DLG2: variants seen among roughly 807,000 people sequenced by gnomAD.
DLG2 encodes the protein disks large homolog 2.
DLG2 carries 45 observed loss-of-function variants against 132.5 expected under a neutral mutation model. The observed-to-expected ratio is 0.34, with a 90% confidence interval of 0.27 to 0.44. DLG2 has a LOEUF of 0.44. Among genes scored for constraint, DLG2 ranks in the 20% least tolerant of loss-of-function variants. The probability of loss-of-function intolerance (pLI) is 1.00; values close to 1 mark genes in which losing one functional copy is unlikely to be tolerated. For missense variants in DLG2, 1,045 were observed against 1,196.9 expected (o/e 0.87, Z 1.87); for synonymous variants, 424 against 419.6 (o/e 1.01, Z -0.13).
Position 84,826,429 on chromosome 11 carries a change from G to T in DLG2, c.357+285232C>A, listed in dbSNP as rs564561224. Among the ~76,000 whole-genome samples, 3 of 151,960 alleles carry T rather than the reference G, an allele frequency of 2.0e-5. 1 individual carries two copies. In the South Asian group the frequency reaches 6.2e-4, roughly 32 times the overall value. The stretch of plus-strand genomic sequence containing the variant: ...AAAGTGTAAGAGATGGTCTAGGAGA[G>T]CCTCGGAGGCAAAAATACAAACTCG... On this transcript the variant is annotated intron_variant, in intron 6 of 27. Transcript: ENST00000376104.
chr11:84,531,985 G>A (rs530096341), intron 7 of DLG2, among the ~76,000 whole-genome samples: 61 of 152,188 alleles, frequency 4.0e-4, no homozygotes, highest in Middle Eastern at 6.8e-3. Flanking sequence ...TTCCAAATGA[G>A]ACAGTGAGTA....
At chr11:84,047,042 T>C (rs1406817359) in intron 11 of DLG2, among the ~76,000 whole-genome samples, 1 of 151,460 alleles carries the variant, frequency 6.6e-6, no homozygotes, top group African/African-American at 2.4e-5. Context: ...GGTCCATGAG[T>C]TGAGGAACCA....
intron 7 of DLG2, among the ~76,000 whole-genome samples, chr11:84,258,699 T>G (rs2097512526): frequency 1.3e-5 from 2 of 152,218 alleles, no homozygotes; most frequent in African/African-American, 4.8e-5. Context: ...AACCCATGTC[T>G]TTCTAACCCC....
chr11:84,285,706 A>C lies in DLG2; in HGVS notation c.520-34415T>G, dbSNP rs115945865. ...AGGCCCAGCTGAGCACCACTGCCCT[A>C]TACCTTACTCACGACATCCTGTTAT... On this transcript the variant is annotated intron_variant, in intron 7 of 27. Coordinates refer to ENST00000376104, the MANE Select transcript of DLG2 (RefSeq NM_001142699.3). Among the ~76,000 whole-genome samples the C allele has an allele frequency of 3.4e-3, 525 of 152,290 alleles. 4 individuals carry two copies. The highest frequency in any genetic ancestry group is 0.012 in the African/African-American group (509 of 41,558).
At position 85,102,489 on chromosome 11, in the gene DLG2, G is replaced by A. The variant is rs77260736; in HGVS notation, c.357+9172C>T. 9.9e-5 allele frequency among the ~76,000 whole-genome samples: 15 copies of A among 151,958 alleles called. No homozygotes were observed. In the East Asian group the frequency reaches 2.7e-3, roughly 27 times the overall value. ...TATGCTCTCAGGAATCCTAGAAAAGGGCTTCTTAATATTCTCAATAGAAAG... is the reference window on the plus strand; with the variant it reads ...TATGCTCTCAGGAATCCTAGAAAAGAGCTTCTTAATATTCTCAATAGAAAG... On this transcript the variant is annotated intron_variant, in intron 6 of 27. Coordinates refer to ENST00000376104, the MANE Select transcript of DLG2 (RefSeq NM_001142699.3).
chr11:83,658,878 T>G (rs944106932), intron 18 of DLG2, among the ~76,000 whole-genome samples: 1 of 152,214 alleles, frequency 6.6e-6, no homozygotes, highest in Non-Finnish European at 1.5e-5. Flanking sequence ...TTTATCTCAG[T>G]TGTTCTCCCA....
chr11:84,441,181 C>T (rs1239019761), intron 7 of DLG2, among the ~76,000 whole-genome samples: 2 of 150,932 alleles, frequency 1.3e-5, no homozygotes, highest in East Asian at 3.9e-4. Flanking sequence ...AGACCTTGTT[C>T]TGTCACCCAG....
intron 6 of DLG2, among the ~76,000 whole-genome samples, chr11:85,007,923 T>C (rs1275213174): frequency 1.3e-5 from 2 of 152,060 alleles, no homozygotes; most frequent in South Asian, 2.1e-4. Flanking sequence ...TTAGGGTCAG[T>C]TGTGTTTCAA....
chr11:85,252,600 T>A (rs56248418), intron 4 of DLG2, among the ~76,000 whole-genome samples: 6 of 151,968 alleles, frequency 3.9e-5, no homozygotes, highest in African/African-American at 1.4e-4. Flanking sequence ...AAATAAAAAA[T>A]AAAAAAAGTT....
chr11:85,331,623 G>C (rs1386551033), intron 3 of DLG2, among the ~76,000 whole-genome samples: 1 of 152,092 alleles, frequency 6.6e-6, no homozygotes, highest in Non-Finnish European at 1.5e-5. Flanking sequence ...TCTGCCACCT[G>C]CCACCTGAAG....
At chr11:84,351,873 A>G (rs888123638) in intron 7 of DLG2, among the ~76,000 whole-genome samples, 7 of 152,194 alleles carry the variant, frequency 4.6e-5, no homozygotes, top group African/African-American at 1.7e-4. Flanking sequence ...ATAAATCCAT[A>G]TAGTAATTAA....
intron 6 of DLG2, among the ~76,000 whole-genome samples, chr11:85,012,642 T>C (rs2059237426): frequency 6.6e-6 from 1 of 152,210 alleles, no homozygotes; most frequent in Admixed American, 6.5e-5. Flanking sequence ...AATTATTTGC[T>C]GATTAAACAA....
At chr11:83,902,353 T>C (rs1051026061) in intron 15 of DLG2, among the ~76,000 whole-genome samples, 1 of 152,208 alleles carries the variant, frequency 6.6e-6, no homozygotes. Context: ...TGAATCAAGA[T>C]TGAATGAATC....
At chr11:83,483,172 C>A in intron 22 of DLG2, 1 of 1,221,826 alleles carries the variant, frequency 8.2e-7, no homozygotes, top group Non-Finnish European at 1.2e-6. Context: ...GTGAAAGGCC[C>A]TCAGGAAAAG....
chr11:84,153,541 A>C (rs1159002690), intron 9 of DLG2, among the ~76,000 whole-genome samples: 2 of 152,360 alleles, frequency 1.3e-5, no homozygotes, highest in Non-Finnish European at 2.9e-5. Context: ...GCTCATTAAA[A>C]AAAAATATTT....
intron 7 of DLG2, among the ~76,000 whole-genome samples, chr11:84,300,978 TTTGTC>T (rs1309745139): frequency 6.6e-6 from 1 of 152,190 alleles, no homozygotes; most frequent in Non-Finnish European, 1.5e-5. Context: ...AACCTAGTGT[TTTGTC>T]TTGTGTTAAC....
At chr11:85,083,564 C>CA (rs1403537877) in intron 6 of DLG2, among the ~76,000 whole-genome samples, 12 of 152,120 alleles carry the variant, frequency 7.9e-5, no homozygotes, top group Non-Finnish European at 1.6e-4. Flanking sequence ...AGACATTAAT[C>CA]AATACATGTA....
chr11:83,924,566 C>A (rs1225686606), intron 15 of DLG2, among the ~76,000 whole-genome samples: 1 of 152,116 alleles, frequency 6.6e-6, no homozygotes, highest in Non-Finnish European at 1.5e-5. Context: ...GCCCTTCCCC[C>A]ATACTGCCAA....
At chr11:85,360,960 G>C (rs1355961708) in intron 3 of DLG2, among the ~76,000 whole-genome samples, 1 of 152,082 alleles carries the variant, frequency 6.6e-6, no homozygotes, top group Non-Finnish European at 1.5e-5. Flanking sequence ...TGTATAGAGA[G>C]TCTCATTGTA....
Sources: gnomAD v4.1 joint callset for allele counts (sites outside exome capture counted in the v4.1 genomes callset) on GRCh38, gnomAD v4.1.1 for gene constraint, MANE v1.5 for transcripts, NCBI Gene and HGNC (gene_info 2026-07-23, HGNC 2026-07-21) for gene names.